Variants in FNBP1 observed in about 807,000 individuals in gnomAD.
FNBP1 encodes the protein formin-binding protein 1.
Under a neutral mutation model 90.6 loss-of-function variants are expected in FNBP1, and 26 were observed. The ratio of observed to expected loss-of-function variants is 0.29; its 90% CI spans 0.21 to 0.40. The LOEUF is 0.40. Among genes scored for constraint, FNBP1 ranks in the 10% least tolerant of loss-of-function variants. The pLI, the probability that FNBP1 is intolerant of heterozygous loss-of-function variation, is 1.00. For missense variants in FNBP1, 635 were observed against 768.0 expected, an observed-to-expected ratio of 0.83 and a Z score of 2.05; for synonymous variants, 260 against 265.2, an observed-to-expected ratio of 0.98 and a Z score of 0.19.
chr9:129,933,005 C>T (rs1026491670), intron 6 of FNBP1, among the ~76,000 whole-genome samples: 67 of 152,040 alleles, frequency 4.4e-4, no homozygotes, highest in Admixed American at 4.4e-3. Flanking sequence ...ATTTCTAAAA[C>T]AGTCTCTATT....
intron 1 of FNBP1, among the ~76,000 whole-genome samples, chr9:130,019,269 C>T (rs2131866053): frequency 6.7e-6 from 1 of 150,354 alleles, no homozygotes; most frequent in African/African-American, 2.5e-5. Flanking sequence ...CCACTGCACT[C>T]CAGCCTAGCG....
intron 12 of FNBP1, among the ~76,000 whole-genome samples, chr9:129,905,294 G>GTATATATATATATATATA (rs56217495): frequency 1.7e-3 from 223 of 132,314 alleles, no homozygotes; most frequent in South Asian, 7.8e-3. Context: ...GTGTGTGTGT[G>GTATATATATATATATATA]TATATATATA....
intron 4 of FNBP1, among the ~76,000 whole-genome samples, chr9:129,968,347 A>C (rs2048934413): frequency 6.8e-6 from 1 of 147,022 alleles, no homozygotes; most frequent in Non-Finnish European, 1.5e-5. Context: ...GTGAGCCGAG[A>C]TTGCACCATT....
chr9:129,909,087 T>C (rs920310126), intron 11 of FNBP1, 88 bp from the exon 12 acceptor site: 1 of 722,620 alleles, frequency 1.4e-6, no homozygotes, highest in Non-Finnish European at 2.4e-6. Context: ...CCATGGGGGG[T>C]GCAGACATCT....
Position 129,888,185 on chromosome 9 carries a change from C to G in FNBP1, c.*2354G>C. On this transcript the variant is annotated 3_prime_UTR_variant, in exon 17 of 17. Transcript: ENST00000446176. Reference sequence around the variant, plus strand: ...CGGTCATTCAAAGAGCAAATTACTGCAGCTTATATCTTTTCCACTATGTTG... The same window carrying G: ...CGGTCATTCAAAGAGCAAATTACTGGAGCTTATATCTTTTCCACTATGTTG... The G allele has an allele frequency of 8.6e-6, 2 of 232,886 alleles. No homozygotes were observed. Among genetic ancestry groups the G allele is most frequent in the Non-Finnish European group, 1.7e-5 (2 of 117,792 alleles). 14.4% of individuals were successfully genotyped at this position (232,886 alleles called of 1,614,324 possible). A position where few individuals can be genotyped will look rare whatever the true frequency, so the allele number is the denominator to read the frequency against.
At chr9:129,973,955 C>T (rs2049905421) in intron 4 of FNBP1, among the ~76,000 whole-genome samples, 1 of 151,946 alleles carries the variant, frequency 6.6e-6, no homozygotes, top group Admixed American at 6.6e-5. Flanking sequence ...GGATTACAGG[C>T]ATGCACCATC....
rs1399553698 is a variant in FNBP1, at chr9:129,955,819, A to G, written c.513+1541T>C. On this transcript the variant is annotated intron_variant, in intron 6 of 16. Coordinates refer to ENST00000446176, the MANE Select transcript of FNBP1 (RefSeq NM_015033.3). ...CGGTATCTCTAAAATATATACATAT[A>G]TACTTCTTTTAGCGCGCACACACAC... Among the ~76,000 whole-genome samples, 4 of 141,716 alleles carry G rather than the reference A, an allele frequency of 2.8e-5. No individual in the cohort carries two copies. In the East Asian group the frequency reaches 6.3e-4, roughly 22 times the overall value. 93.0% of individuals were successfully genotyped at this position (141,716 alleles called of 152,430 possible).
intron 4 of FNBP1, among the ~76,000 whole-genome samples, chr9:129,962,505 C>G (rs945506757): frequency 5.3e-5 from 8 of 152,188 alleles, no homozygotes; most frequent in African/African-American, 1.7e-4. Flanking sequence ...TCGTCAGAAC[C>G]TAGGATTTAG....
the FNBP1 span, chr9:130,053,745 G>A: frequency 5.0e-6 from 3 of 604,234 alleles, no homozygotes; most frequent in Admixed American, 3.0e-5. Flanking sequence ...AGGAGCGGCC[G>A]ATCGAAGGGC....
chr9:129,958,613 G>T, intron 4 of FNBP1, 60 bp from the exon 5 acceptor site: 1 of 1,332,402 alleles, frequency 7.5e-7, no homozygotes, highest in Non-Finnish European at 1.0e-6. Flanking sequence ...GAACCCAGGA[G>T]GAAACATTTT....
chr9:129,997,205 T>G (rs112517252), intron 1 of FNBP1, among the ~76,000 whole-genome samples: 1 of 151,898 alleles, frequency 6.6e-6, no homozygotes, highest in Admixed American at 6.6e-5. Context: ...GCACCTGTAA[T>G]CCCAGCTACT....
intron 4 of FNBP1, among the ~76,000 whole-genome samples, chr9:129,960,312 G>C (rs914585381): frequency 1.3e-5 from 2 of 149,870 alleles, no homozygotes; most frequent in African/African-American, 4.9e-5. Flanking sequence ...TAGGGGGCTG[G>C]AGGTTGCACT....
chr9:129,927,425 C>T (rs1392189300), intron 7 of FNBP1, 84 bp from the exon 8 acceptor site: 2 of 1,361,208 alleles, frequency 1.5e-6, no homozygotes, highest in Non-Finnish European at 2.0e-6. Flanking sequence ...TTACCTCTAA[C>T]AAGTTCTCTT....
the FNBP1 span, among the ~76,000 whole-genome samples, chr9:130,048,766 C>T: frequency 1.4e-5 from 2 of 143,786 alleles, no homozygotes; most frequent in African/African-American, 2.6e-5. Flanking sequence ...GCGTGAGCCA[C>T]CGCGCCCGGC....
intron 11 of FNBP1, among the ~76,000 whole-genome samples, chr9:129,915,186 A>G (rs1230072946): frequency 4.6e-5 from 7 of 151,940 alleles, no homozygotes; most frequent in Non-Finnish European, 8.8e-5. Flanking sequence ...TTCCATTCCC[A>G]CAGGTGGCCT....
chr9:130,039,688 AAAAAAG>A (rs2059654043), intron 1 of FNBP1, among the ~76,000 whole-genome samples: 1 of 152,032 alleles, frequency 6.6e-6, no homozygotes, highest in African/African-American at 2.4e-5. Context: ...AAAAAAAAAA[AAAAAAG>A]AAAGTTTATT....
At position 130,031,651 on chromosome 9, in the gene FNBP1, A is replaced by ATTTCTTTC. The variant is rs201724203; in HGVS notation, c.24+11293_24+11300dup. ...CTACCTTAGTCCTTATTACACAATA[A>ATTTCTTTC]TTTCTTTCTTTCTTTCTTTCTTTTT... On this transcript the variant is annotated intron_variant, in intron 1 of 16. Transcript: ENST00000446176. This position sits in a 1 kb window ranked among gnomAD's most constrained non-coding sequence, Gnocchi z 4.2. Among the ~76,000 whole-genome samples, 20 of 151,714 alleles carry ATTTCTTTC rather than the reference A, an allele frequency of 1.3e-4. No homozygotes were observed. The highest frequency in any genetic ancestry group is 4.6e-4 in the African/African-American group (19 of 41,346).
rs34630525 is a variant in FNBP1 at position 129,975,902 on chromosome 9, T to TAAAA, written c.345+2559_345+2562dup. ...TGGGCAACACAGTGAGACTCCATCTTAAAAAAAAAAAAAAAAAAAAAAGGA... is the reference window on the plus strand; with the variant it reads ...TGGGCAACACAGTGAGACTCCATCTTAAAAAAAAAAAAAAAAAAAAAAAAAAGGA... On this transcript the variant is annotated intron_variant, in intron 4 of 16. Coordinates refer to ENST00000446176, the MANE Select transcript of FNBP1 (RefSeq NM_015033.3). 8.1e-5 allele frequency among the ~76,000 whole-genome samples: 6 copies of TAAAA among 73,886 alleles called. 1 individual carries two copies. The highest frequency in any genetic ancestry group is 6.3e-4 in the South Asian group (1 of 1,588). The allele number at this position is 73,886 out of a possible 152,430, so 48.5% of individuals were successfully genotyped here.
intron 8 of FNBP1, among the ~76,000 whole-genome samples, chr9:129,925,874 T>C (rs1027292538): frequency 2.0e-5 from 3 of 151,372 alleles, no homozygotes; most frequent in Non-Finnish European, 4.4e-5. Context: ...CATTACAGGC[T>C]TGAGTCACCA....
Sources: gnomAD v4.1 joint callset for allele counts (sites outside exome capture counted in the v4.1 genomes callset) on GRCh38, gnomAD v4.1.1 for gene constraint, Gnocchi (gnomAD v3.1) non-coding constraint, MANE v1.5 for transcripts, NCBI Gene and HGNC (gene_info 2026-07-23, HGNC 2026-07-21) for gene names.